FRMPD3: variants seen among roughly 807,000 people sequenced by gnomAD.
FRMPD3 encodes the protein FERM and PDZ domain-containing protein 3.
In FRMPD3, 42 loss-of-function variants were observed where a neutral mutation model predicts 97.9. The ratio of observed to expected loss-of-function variants is 0.43; its 90% CI spans 0.34 to 0.55. The LOEUF (loss-of-function observed/expected upper bound fraction) is 0.55, where lower values mean the gene tolerates loss of function less well. FRMPD3 is among the 20% of genes least tolerant of loss of function. FRMPD3 has a pLI of 0.03. For synonymous variants in FRMPD3, 577 were observed against 581.1 expected (o/e 0.99, Z 0.10); for missense variants, 1,303 against 1,457.7 (o/e 0.89, Z 1.73).
chrX:107,491,551 C>T (rs905425478), intron 1 of FRMPD3, among the ~76,000 whole-genome samples: 1 of 112,430 alleles, frequency 8.9e-6, no homozygotes, highest in Admixed American at 9.4e-5. Context: ...GTTGTACTAC[C>T]TCTCGTATTA....
Position 107,600,480 on chromosome X carries a change from T to C in FRMPD3, c.2441T>C (p.Leu814Pro). The C allele has an allele frequency of 8.3e-7, 1 of 1,210,798 alleles. No individual in the cohort carries two copies. The highest frequency in any genetic ancestry group is 1.1e-6 in the Non-Finnish European group (1 of 895,331). ...GACAGCCTCCTTGCCCGCAAGGACC[T>C]GCCCTTCCGGATCCAGAGCTGTGCA... ...NKDSLLARKD[L>P]PFRIQSCAAQ... The change falls in exon 15 of 15, where the codon CTG (leucine) becomes CCG (proline). Residue 814 changes from leucine to proline, a missense_variant. This residue lies in a region of FRMPD3 where 764 missense variants were observed against 820.2 expected (regional missense o/e 0.93). Coordinates refer to ENST00000683843, the MANE Select transcript of FRMPD3 (RefSeq NM_001388459.1).
At chrX:107,533,641 TTCAG>T in intron 4 of FRMPD3, 91 bp downstream of exon 4, 1 of 819,493 alleles carries the variant, frequency 1.2e-6, no homozygotes. Context: ...GGGTTGGGGG[TTCAG>T]AGACTACAAC....
At chrX:107,457,330 T>C (rs1372197610) in intron 1 of FRMPD3, among the ~76,000 whole-genome samples, 2 of 111,921 alleles carry the variant, frequency 1.8e-5, no homozygotes, top group African/African-American at 6.5e-5. Flanking sequence ...ACTCCGTATT[T>C]TTTGTTAACT....
Position 107,562,021 on chromosome X carries a change from A to G in FRMPD3, c.1027-1090A>G, listed in dbSNP as rs746800039. Among the ~76,000 whole-genome samples, 5 of 112,489 alleles carry G rather than the reference A, an allele frequency of 4.4e-5. No homozygotes were observed. The East Asian group carries it at 8.4e-4, about 19-fold the overall frequency. ...TGCTCTGGAAGCACAGAGGAAGAAC[A>G]CTAAGCCCAGCCTGAGGGAGGTGGA... On this transcript the variant is annotated intron_variant, in intron 10 of 14. Transcript: ENST00000683843.
intron 6 of FRMPD3, among the ~76,000 whole-genome samples, chrX:107,551,440 C>T (rs779571662): frequency 6.0e-4 from 67 of 112,012 alleles, no homozygotes; most frequent in African/African-American, 2.1e-3. Context: ...TTGGTATGTC[C>T]ATTGTGGACT....
Position 107,601,096 on chromosome X carries a change from A to C in FRMPD3, c.3057A>C (p.Ser1019=), listed in dbSNP as rs756658913. 12 of 1,207,933 alleles carry C rather than the reference A, an allele frequency of 9.9e-6. No individual in the cohort carries two copies. Among genetic ancestry groups the C allele is most frequent in the Non-Finnish European group, 1.3e-5 (12 of 894,622 alleles). Residue 1019 remains serine (S), a synonymous_variant, in exon 15 of 15, where the codon TCA becomes TCC. Transcript: ENST00000683843. The stretch of plus-strand genomic sequence containing the variant: ...TTAGCCCCAGTGCTCCAGAGACCTC[A>C]TGGAATTCTCAACATCAGCTGGGTG... The part of the protein sequence containing the change: ...FKISPSAPET[S]WNSQHQLGAE...
intron 12 of FRMPD3, among the ~76,000 whole-genome samples, chrX:107,575,930 C>T (rs1370397303): frequency 1.8e-5 from 2 of 111,622 alleles, no homozygotes; most frequent in African/African-American, 3.3e-5. Context: ...CGAGGGTGTT[C>T]TAGGCCATTC....
At chrX:107,562,990 C>T (rs1265947658) in intron 10 of FRMPD3, 121 bp from the exon 11 acceptor site, 8 of 505,360 alleles carry the variant, frequency 1.6e-5, no homozygotes, top group Non-Finnish European at 2.7e-5. Context: ...CTTCACATCT[C>T]CACAGTGTCA....
intron 12 of FRMPD3, among the ~76,000 whole-genome samples, chrX:107,565,388 T>C (rs991559115): frequency 8.9e-6 from 1 of 111,837 alleles, no homozygotes; most frequent in African/African-American, 3.3e-5. Flanking sequence ...TCTCATATCA[T>C]AGCACACAGA....
intron 13 of FRMPD3, among the ~76,000 whole-genome samples, chrX:107,582,750 TG>T (rs1315566610): frequency 8.9e-6 from 1 of 112,695 alleles, no homozygotes; most frequent in Non-Finnish European, 1.9e-5. Context: ...CACCACTTTA[TG>T]GTCTTGATCA....
chrX:107,523,228 A>G (rs769337557), intron 1 of FRMPD3, among the ~76,000 whole-genome samples: 2 of 111,731 alleles, frequency 1.8e-5, no homozygotes, highest in African/African-American at 6.5e-5. Context: ...TGGTCTGTTA[A>G]TGGAGGTGTT....
At chrX:107,474,718 T>C (rs757664223) in intron 1 of FRMPD3, among the ~76,000 whole-genome samples, 2 of 111,635 alleles carry the variant, frequency 1.8e-5, no homozygotes, top group African/African-American at 6.5e-5. Context: ...GGAAGGCTGA[T>C]TCCTCTGCAA....
At chrX:107,520,224 C>T (rs1602769933) in intron 1 of FRMPD3, among the ~76,000 whole-genome samples, 1 of 110,839 alleles carries the variant, frequency 9.0e-6, no homozygotes, top group East Asian at 2.8e-4. Context: ...ATAGGTGAGC[C>T]GCTGGGTGTG....
Position 107,602,801 on chromosome X carries a change from C to T in FRMPD3, c.4762C>T (p.Pro1588Ser). 1 of 1,210,145 alleles carries T rather than the reference C, an allele frequency of 8.3e-7. No individual in the cohort carries two copies. The highest frequency in any genetic ancestry group is 1.1e-6 in the Non-Finnish European group (1 of 895,017). The stretch of plus-strand genomic sequence containing the variant: ...CCTGCGGGCCCATGCCTATGGCCTC[C>T]CTGATGGCTTCCTGGCTGCCCGGCT... ...NALRAHAYGL[P>S]DGFLAARLDT... Residue 1588 changes from proline to serine, a missense_variant, in exon 15 of 15, where the codon CCT becomes TCT. Physicochemically the swap from Pro to Ser is moderately conservative, Grantham distance 74. Around this residue, in one of 3 missense-constraint regions of FRMPD3, gnomAD observed 764 missense variants for 820.2 expected, o/e 0.93. Transcript: ENST00000683843.
chrX:107,560,123 C>T lies in FRMPD3; in HGVS notation c.763-134C>T, dbSNP rs1922279877. On this transcript the variant is annotated intron_variant, in intron 8 of 14. Transcript: ENST00000683843. Reference sequence around the variant, plus strand: ...TCTGTTGTCTCTTCTCCAAGGGGAGCTCCTTCCTCTGTCCCTTGATCTAGC... The same window carrying T: ...TCTGTTGTCTCTTCTCCAAGGGGAGTTCCTTCCTCTGTCCCTTGATCTAGC... 5.4e-6 allele frequency: 4 copies of T among 743,416 alleles called. No individual in the cohort carries two copies. The Admixed American group carries it at 1.1e-4, about 20-fold the overall frequency. 61.3% of individuals were successfully genotyped at this position (743,416 alleles called of 1,213,427 possible).
chrX:107,480,960 GAAAC>G (rs1192361642), intron 1 of FRMPD3, among the ~76,000 whole-genome samples: 6 of 105,541 alleles, frequency 5.7e-5, no homozygotes, highest in Non-Finnish European at 9.8e-5. Context: ...AAGAAAGAAA[GAAAC>G]AGACATTGCT....
At chrX:107,534,702 CACTG>C (rs953231603) in intron 4 of FRMPD3, among the ~76,000 whole-genome samples, 1 of 111,525 alleles carries the variant, frequency 9.0e-6, no homozygotes, top group African/African-American at 3.3e-5. Context: ...TATACAAACA[CACTG>C]ACACACACAC....
intron 13 of FRMPD3, among the ~76,000 whole-genome samples, chrX:107,584,480 G>A (rs147211883): frequency 0.023 from 2,564 of 111,798 alleles, 68 homozygotes; most frequent in African/African-American, 0.078. Flanking sequence ...GGCTTTTGTC[G>A]TAATTGCTTT....
intron 12 of FRMPD3, among the ~76,000 whole-genome samples, chrX:107,572,645 G>C (rs2147612567): frequency 9.0e-6 from 1 of 110,609 alleles, no homozygotes; most frequent in African/African-American, 3.3e-5. Context: ...GGCTGAGACA[G>C]GAGAATCGCT....
Sources: gnomAD v4.1 joint callset for allele counts (sites outside exome capture counted in the v4.1 genomes callset) on GRCh38, gnomAD v4.1.1 for gene constraint, gnomAD v4.1.1 regional missense constraint, MANE v1.5 for transcripts, NCBI Gene and HGNC (gene_info 2026-07-23, HGNC 2026-07-21) for gene names.